The following GNAQ variants were observed in gnomAD, a reference collection of about 807,000 sequenced individuals.
GNAQ encodes guanine nucleotide-binding protein G(q) subunit alpha.
GNAQ carries 8 observed loss-of-function variants against 43.9 expected under a neutral mutation model. That is an observed-to-expected ratio of 0.18 (90% CI 0.11 to 0.33). The LOEUF (loss-of-function observed/expected upper bound fraction) is 0.33, where lower values mean the gene tolerates loss of function less well. Among genes scored for constraint, GNAQ ranks in the 10% least tolerant of loss-of-function variants. GNAQ has a pLI of 1.00. For missense variants in GNAQ, 158 were observed against 450.8 expected, an observed-to-expected ratio of 0.35 and a Z score of 5.88; for synonymous variants, 155 against 170.7, an observed-to-expected ratio of 0.91 and a Z score of 0.71.
At chr9:78,020,422 A>G (rs1031181424) in intron 1 of GNAQ, among the ~76,000 whole-genome samples, 2 of 152,166 alleles carry the variant, frequency 1.3e-5, no homozygotes, top group Non-Finnish European at 2.9e-5. Context: ...ATGCTCACCT[A>G]TTTAACCACC....
chr9:77,945,967 C>T (rs1478311583), intron 1 of GNAQ, among the ~76,000 whole-genome samples: 2 of 152,198 alleles, frequency 1.3e-5, no homozygotes, highest in Non-Finnish European at 2.9e-5. Flanking sequence ...GAATTGCAGG[C>T]ATTTCTTCAG....
At chr9:77,892,929 A>G (rs1828427734) in intron 2 of GNAQ, among the ~76,000 whole-genome samples, 1 of 152,224 alleles carries the variant, frequency 6.6e-6, no homozygotes, top group South Asian at 2.1e-4. Context: ...TGGGTGGAAT[A>G]TATGCATATT....
intron 1 of GNAQ, among the ~76,000 whole-genome samples, chr9:78,001,987 A>C (rs1048882832): frequency 7.2e-5 from 11 of 152,252 alleles, no homozygotes; most frequent in African/African-American, 2.7e-4. Context: ...CACACTTGTG[A>C]AAGGGCATCA....
intron 1 of GNAQ, among the ~76,000 whole-genome samples, chr9:77,961,915 C>G (rs527331666): frequency 6.6e-6 from 1 of 152,206 alleles, no homozygotes; most frequent in African/African-American, 2.4e-5. Context: ...AAAAGCAGTA[C>G]TAGTTAGGTT....
intron 1 of GNAQ, among the ~76,000 whole-genome samples, chr9:77,961,619 G>C (rs747833860): frequency 1.8e-4 from 27 of 152,166 alleles, no homozygotes; most frequent in Admixed American, 6.5e-4. Context: ...ACGTAATAGT[G>C]AAGTTTAAGT....
chr9:77,929,357 GTC>G (rs1403694219), intron 1 of GNAQ, among the ~76,000 whole-genome samples: 1 of 152,070 alleles, frequency 6.6e-6, no homozygotes, highest in East Asian at 1.9e-4. Flanking sequence ...ACCTACCAAG[GTC>G]TCTTATCTGT....
chr9:77,867,082 T>C lies in GNAQ; in HGVS notation c.322-51312A>G, dbSNP rs147732935. On this transcript the variant is annotated intron_variant, in intron 2 of 6. Transcript: ENST00000286548. Reference sequence around the variant, plus strand: ...ACATTTATCACTGTTCAGAGATCAATTGCATCATCTTCCCTACCCTTCACT... The same window carrying C: ...ACATTTATCACTGTTCAGAGATCAACTGCATCATCTTCCCTACCCTTCACT... 2.9e-4 allele frequency among the ~76,000 whole-genome samples: 44 copies of C among 152,250 alleles called. 1 individual carries two copies. In the East Asian group the frequency reaches 6.2e-3, roughly 21 times the overall value.
chr9:78,012,858 AAG>A (rs893190441), intron 1 of GNAQ, among the ~76,000 whole-genome samples: 8 of 152,214 alleles, frequency 5.3e-5, no homozygotes, highest in Non-Finnish European at 7.3e-5. Context: ...TCAAAGGGCT[AAG>A]AGTTTTAGAA....
rs559465646 is a variant in GNAQ at position 77,859,203 on chromosome 9, G to C, written c.322-43433C>G. Among the ~76,000 whole-genome samples the C allele has an allele frequency of 2.0e-5, 3 of 152,230 alleles. No homozygotes were observed. In the East Asian group the frequency reaches 5.8e-4, roughly 29 times the overall value. ...GAATGCAAGAACTCTATTCTTTCCA[G>C]TACTATTCTATAACGTAATTGTAAC... On this transcript the variant is annotated intron_variant, in intron 2 of 6. Coordinates refer to ENST00000286548, the MANE Select transcript of GNAQ (RefSeq NM_002072.5).
intron 2 of GNAQ, among the ~76,000 whole-genome samples, chr9:77,919,396 C>T (rs1388263108): frequency 6.6e-6 from 1 of 152,080 alleles, no homozygotes; most frequent in South Asian, 2.1e-4. Flanking sequence ...ATAATCAATA[C>T]AAGCTAGGCA....
intron 2 of GNAQ, among the ~76,000 whole-genome samples, chr9:77,816,017 G>A (rs949639089): frequency 1.3e-5 from 2 of 152,058 alleles, no homozygotes; most frequent in Non-Finnish European, 2.9e-5. Context: ...GGAAGGTGGC[G>A]TATTCAGCTC....
intron 1 of GNAQ, among the ~76,000 whole-genome samples, chr9:77,953,296 T>C (rs921499665): frequency 3.3e-5 from 5 of 152,240 alleles, no homozygotes; most frequent in African/African-American, 9.6e-5. Context: ...TGCATTTAAG[T>C]GCAAGAACCC....
At chr9:77,830,841 AC>A (rs1263778584) in intron 2 of GNAQ, among the ~76,000 whole-genome samples, 1 of 97,714 alleles carries the variant, frequency 1.0e-5, no homozygotes, top group African/African-American at 7.6e-5. Flanking sequence ...GTTATACCAC[AC>A]ACACACACAC....
At chr9:78,004,924 C>T (rs1823687231) in intron 1 of GNAQ, among the ~76,000 whole-genome samples, 1 of 151,868 alleles carries the variant, frequency 6.6e-6, no homozygotes, top group Non-Finnish European at 1.5e-5. Context: ...TACCTCAAGG[C>T]AAGCAGTAAG....
chr9:77,716,809 G>A lies in GNAQ; in HGVS notation c.*4514C>T. The stretch of plus-strand genomic sequence containing the variant: ...ACGGGGAAATGGAGGACACAGGGTA[G>A]ATAAGGAAGGCAAGGAGGAAATTAA... On this transcript the variant is annotated 3_prime_UTR_variant, in exon 7 of 7. Coordinates refer to ENST00000286548, the MANE Select transcript of GNAQ (RefSeq NM_002072.5). 4.3e-6 allele frequency: 1 copy of A among 232,918 alleles called. No homozygotes were observed. Among genetic ancestry groups the A allele is most frequent in the Non-Finnish European group, 8.5e-6 (1 of 117,876 alleles). 14.4% of individuals were successfully genotyped at this position (232,918 alleles called of 1,614,324 possible).
chr9:77,721,512 T>A lies in GNAQ; in HGVS notation c.891A>T (p.Gly297=), dbSNP rs776922380. ...GGGCTGCCTGGGCATCTCTCTGGGGTCCTTTCGGCCAAGAGACAAGAGGGA... is the reference window on the plus strand; with the variant it reads ...GGGCTGCCTGGGCATCTCTCTGGGGACCTTTCGGCCAAGAGACAAGAGGGA... ...HLVDYFPEYD[G]PQRDAQAARE... is the part of the protein sequence containing the mutation. The change falls in exon 7 of 7, where the codon GGA becomes GGT. Residue 297 remains glycine (G), a splice_region_variant and synonymous_variant. Coordinates refer to ENST00000286548, the MANE Select transcript of GNAQ (RefSeq NM_002072.5). 3 of 1,599,442 alleles carry A rather than the reference T, an allele frequency of 1.9e-6. No individual in the cohort carries two copies. The highest frequency in any genetic ancestry group is 2.6e-6 in the Non-Finnish European group (3 of 1,169,552).
intron 5 of GNAQ, among the ~76,000 whole-genome samples, chr9:77,736,347 T>C (rs1825576477): frequency 6.6e-6 from 1 of 152,108 alleles, no homozygotes; most frequent in Non-Finnish European, 1.5e-5. Flanking sequence ...TAAAGACAGG[T>C]TCCTAGCCAT....
intron 1 of GNAQ, among the ~76,000 whole-genome samples, chr9:77,977,739 T>C (rs1470629869): frequency 2.6e-5 from 4 of 152,176 alleles, no homozygotes; most frequent in Non-Finnish European, 5.9e-5. Flanking sequence ...ACTTTGCAAG[T>C]CTGAAGAAGG....
At chr9:77,853,215 C>G (rs1238550636) in intron 2 of GNAQ, among the ~76,000 whole-genome samples, 1 of 152,112 alleles carries the variant, frequency 6.6e-6, no homozygotes, top group Non-Finnish European at 1.5e-5. Flanking sequence ...TTGTTGGCAG[C>G]TGTCAAGAGT....
Sources: gnomAD v4.1 joint callset for allele counts (sites outside exome capture counted in the v4.1 genomes callset) on GRCh38, gnomAD v4.1.1 for gene constraint, MANE v1.5 for transcripts, NCBI Gene and HGNC (gene_info 2026-07-23, HGNC 2026-07-21) for gene names.